The following EIF4G3 variants were observed in gnomAD, a reference collection of about 807,000 sequenced individuals.
EIF4G3 encodes eukaryotic translation initiation factor 4 gamma 3.
A neutral mutation model predicts 186.4 loss-of-function variants in EIF4G3; 34 were observed. The ratio of observed to expected loss-of-function variants is 0.18; its 90% CI spans 0.14 to 0.24. The LOEUF (loss-of-function observed/expected upper bound fraction) is 0.24. Among genes scored for constraint, EIF4G3 ranks in the 10% least tolerant of loss-of-function variants. EIF4G3 has a pLI of 1.00. For synonymous variants in EIF4G3, 673 were observed against 679.5 expected, an observed-to-expected ratio of 0.99 and a Z score of 0.15; for missense variants, 1,536 against 1,948.5, an observed-to-expected ratio of 0.79 and a Z score of 3.99.
intron 27 of EIF4G3, 64 bp downstream of exon 27, chr1:20,853,496 T>C: frequency 9.4e-7 from 1 of 1,058,706 alleles, no homozygotes; most frequent in South Asian, 1.3e-5. Flanking sequence ...CCCTTGTTCT[T>C]ATCTTGCCAC....
At chr1:20,909,093 AGT>A (rs1391220621) in intron 14 of EIF4G3, among the ~76,000 whole-genome samples, 1 of 152,070 alleles carries the variant, frequency 6.6e-6, no homozygotes, top group East Asian at 1.9e-4. Flanking sequence ...TGGAGGTTGT[AGT>A]GAGCAGAGAT....
rs1180614823 is a variant in EIF4G3, at chr1:20,864,646, T to A, written c.2836A>T (p.Ile946Phe). Residue 946 changes from isoleucine to phenylalanine, a missense_variant, in exon 22 of 37, where the codon ATT becomes TTT. Physicochemically the swap from Ile to Phe is conservative, Grantham distance 21. Transcript: ENST00000602326. The part of the protein sequence containing the change: ...EAKDKARRRS[I>F]GNIKFIGELF... Reference sequence around the variant, plus strand: ...TCTCCAATAAACTTGATGTTGCCAATGGATCTCCGCCGGGCTTTGTCCTTG... The same window carrying A: ...TCTCCAATAAACTTGATGTTGCCAAAGGATCTCCGCCGGGCTTTGTCCTTG... 6.2e-7 allele frequency: 1 copy of A among 1,614,216 alleles called. No individual in the cohort carries two copies. The highest frequency in any genetic ancestry group is 8.5e-7 in the Non-Finnish European group (1 of 1,180,044).
At chr1:20,863,430 CTTT>C (rs5772919) in intron 22 of EIF4G3, among the ~76,000 whole-genome samples, 1 of 116,650 alleles carries the variant, frequency 8.6e-6, no homozygotes, top group African/African-American at 3.3e-5. Flanking sequence ...ACCCTGTTAC[CTTT>C]TTTTTTTTTT....
rs562775723 is a variant in EIF4G3, at chr1:21,084,847, C to T, written c.-196+4291G>A. Among the ~76,000 whole-genome samples, 202 of 152,016 alleles carry T rather than the reference C, an allele frequency of 1.3e-3. 1 individual carries two copies. Among genetic ancestry groups the T allele is most frequent in the Middle Eastern group, 6.8e-3 (2 of 294 alleles). Reference sequence around the variant, plus strand: ...TCTCATCAAGTTACTTACTAAAACCCAATAGTATACTGTATATATATTTGT... The same window carrying T: ...TCTCATCAAGTTACTTACTAAAACCTAATAGTATACTGTATATATATTTGT... On this transcript the variant is annotated intron_variant, in intron 3 of 36. Transcript: ENST00000602326.
At chr1:20,934,092 A>T (rs1286789234) in intron 14 of EIF4G3, among the ~76,000 whole-genome samples, 1 of 152,150 alleles carries the variant, frequency 6.6e-6, no homozygotes, top group Non-Finnish European at 1.5e-5. Flanking sequence ...ACAAGGGTGA[A>T]TTTTACTGCA....
chr1:21,146,309 G>A (rs1297920756), intron 2 of EIF4G3, among the ~76,000 whole-genome samples: 2 of 152,070 alleles, frequency 1.3e-5, no homozygotes, highest in Admixed American at 1.3e-4. Context: ...GCTGAGGTGA[G>A]CCATGGCTAC....
chr1:21,022,294 A>T (rs769223534), intron 4 of EIF4G3, among the ~76,000 whole-genome samples: 11 of 152,198 alleles, frequency 7.2e-5, no homozygotes, highest in Non-Finnish European at 1.6e-4. Flanking sequence ...TGATTTTTCT[A>T]TCTGATTATG....
chr1:21,098,690 C>T (rs1427890422), intron 2 of EIF4G3, among the ~76,000 whole-genome samples: 4 of 152,204 alleles, frequency 2.6e-5, no homozygotes, highest in South Asian at 2.1e-4. Context: ...TGCTCTGTTG[C>T]CCCACACTGG....
chr1:20,918,586 C>A (rs561587210), intron 14 of EIF4G3, among the ~76,000 whole-genome samples: 1 of 152,122 alleles, frequency 6.6e-6, no homozygotes, highest in East Asian at 1.9e-4. Context: ...CACTTAAAAT[C>A]CCTCCTAGCA....
intron 10 of EIF4G3, among the ~76,000 whole-genome samples, chr1:20,979,609 G>A (rs1403958993): frequency 6.6e-6 from 1 of 152,160 alleles, no homozygotes; most frequent in Non-Finnish European, 1.5e-5. Flanking sequence ...AAAAATCTAG[G>A]TAACAGTGAA....
At chr1:21,118,558 G>A (rs1387278544) in intron 2 of EIF4G3, among the ~76,000 whole-genome samples, 2 of 152,002 alleles carry the variant, frequency 1.3e-5, no homozygotes, top group African/African-American at 4.8e-5. Context: ...AGGCGGAGGC[G>A]GGCAGATCAC....
chr1:20,897,725 A>T (rs2088789829), intron 16 of EIF4G3, among the ~76,000 whole-genome samples: 1 of 152,034 alleles, frequency 6.6e-6, no homozygotes, highest in Admixed American at 6.6e-5. Context: ...AAAAGTAGAC[A>T]GCTTATTGGG....
rs577301063 is a variant in EIF4G3 at position 21,102,494 on chromosome 1, C to T, written c.-271-13281G>A. ...ATTAATTAAATTCATCCATGACGCACTTATGGTGCTATGTTAATAAATGGA... is the reference window on the plus strand; with the variant it reads ...ATTAATTAAATTCATCCATGACGCATTTATGGTGCTATGTTAATAAATGGA... On this transcript the variant is annotated intron_variant, in intron 2 of 36. Coordinates refer to ENST00000602326, the MANE Select transcript of EIF4G3 (RefSeq NM_001391906.1). 3.3e-5 allele frequency among the ~76,000 whole-genome samples: 5 copies of T among 152,256 alleles called. No homozygotes were observed. The East Asian group carries it at 7.7e-4, about 23-fold the overall frequency.
At chr1:21,038,509 T>C (rs1212104605) in intron 4 of EIF4G3, among the ~76,000 whole-genome samples, 2 of 152,242 alleles carry the variant, frequency 1.3e-5, no homozygotes, top group Admixed American at 1.3e-4. Flanking sequence ...TCTGGTTTCC[T>C]GTCAGTTTCT....
intron 16 of EIF4G3, among the ~76,000 whole-genome samples, 185 bp from the exon 17 acceptor site, chr1:20,895,686 G>T (rs184522546): frequency 1.8e-3 from 273 of 152,208 alleles, no homozygotes; most frequent in Non-Finnish European, 2.7e-3. Flanking sequence ...TCCTCATGTG[G>T]CAGCACAATG....
intron 4 of EIF4G3, among the ~76,000 whole-genome samples, chr1:21,047,281 C>A (rs2093946309): frequency 6.6e-6 from 1 of 152,076 alleles, no homozygotes; most frequent in Non-Finnish European, 1.5e-5. Context: ...TTAAGACCAC[C>A]CTCCCATGGA....
intron 11 of EIF4G3, among the ~76,000 whole-genome samples, chr1:20,969,912 C>T (rs1454354255): frequency 6.6e-6 from 1 of 152,032 alleles, no homozygotes; most frequent in African/African-American, 2.4e-5. Context: ...ATTTAACATA[C>T]AAGTTTCATA....
intron 2 of EIF4G3, among the ~76,000 whole-genome samples, chr1:21,158,710 G>A (rs915322132): frequency 1.3e-5 from 2 of 150,996 alleles, no homozygotes; most frequent in South Asian, 2.1e-4. Flanking sequence ...TGAGTCCAAC[G>A]GTGAGTATAC....
chr1:20,969,404 A>G, intron 12 of EIF4G3, 70 bp downstream of exon 12: 2 of 1,558,464 alleles, frequency 1.3e-6, no homozygotes, highest in Non-Finnish European at 1.8e-6. Flanking sequence ...AAGTGGCTAT[A>G]GAAGAAAGAA....
Sources: allele counts gnomAD v4.1 joint callset (sites outside exome capture counted in the v4.1 genomes callset), GRCh38; gene constraint gnomAD v4.1.1; transcripts MANE v1.5; gene names NCBI Gene and HGNC (gene_info 2026-07-23, HGNC 2026-07-21).